XPO4: variants seen among roughly 807,000 people sequenced by gnomAD.
XPO4 encodes the protein exportin 4.
A neutral mutation model predicts 143.0 loss-of-function variants in XPO4; 39 were observed. That is an observed-to-expected ratio of 0.27 (90% confidence interval 0.21 to 0.36). XPO4 has a LOEUF of 0.36. Among genes scored for constraint, XPO4 ranks in the 10% least tolerant of loss-of-function variants. The pLI is 1.00. For missense variants in XPO4, 907 were observed against 1,348.0 expected (o/e 0.67, Z 5.12); for synonymous variants, 439 against 474.0 (o/e 0.93, Z 0.96).
intron 20 of XPO4, among the ~76,000 whole-genome samples, chr13:20,788,003 C>T (rs1433274177): frequency 6.6e-6 from 1 of 151,142 alleles, no homozygotes; most frequent in African/African-American, 2.4e-5. Flanking sequence ...GGCAAACTAA[C>T]GAAAGAAACA....
At chr13:20,788,304 G>A (rs973167845) in intron 20 of XPO4, among the ~76,000 whole-genome samples, 182 bp downstream of exon 20, 6 of 152,062 alleles carry the variant, frequency 3.9e-5, no homozygotes, top group African/African-American at 4.8e-5. Context: ...TGATCCACCC[G>A]CCTCGGCCTC....
chr13:20,790,176 T>C (rs1462636909), intron 19 of XPO4, among the ~76,000 whole-genome samples: 3 of 152,202 alleles, frequency 2.0e-5, no homozygotes, highest in African/African-American at 7.2e-5. Flanking sequence ...GCTAACAGAA[T>C]GTACTTTCTA....
intron 20 of XPO4, among the ~76,000 whole-genome samples, chr13:20,788,116 C>T (rs960183497): frequency 2.0e-5 from 3 of 148,358 alleles, no homozygotes; most frequent in Admixed American, 6.8e-5. Flanking sequence ...AGTGCAATGG[C>T]GCAATCTCGG....
chr13:20,859,226 T>C (rs1050400506), intron 3 of XPO4, among the ~76,000 whole-genome samples: 11 of 151,744 alleles, frequency 7.2e-5, no homozygotes. Context: ...CCCAGCACTT[T>C]GGGAGGCCGA....
intron 11 of XPO4, 34 bp from the exon 12 acceptor site, chr13:20,808,615 T>C (rs1021575090): frequency 2.0e-6 from 3 of 1,485,868 alleles, no homozygotes; most frequent in Non-Finnish European, 2.7e-6. Context: ...TTCATAAAGT[T>C]CAATAAGCAA....
intron 1 of XPO4, among the ~76,000 whole-genome samples, chr13:20,876,354 G>A (rs866101069): frequency 6.6e-6 from 1 of 150,810 alleles, no homozygotes; most frequent in African/African-American, 2.4e-5. Context: ...TTTGAAAAAC[G>A]GTATTAGAGC....
chr13:20,854,886 G>A (rs1262127617), intron 4 of XPO4, among the ~76,000 whole-genome samples: 1 of 152,154 alleles, frequency 6.6e-6, no homozygotes, highest in Admixed American at 6.5e-5. Context: ...AACTCCTGAA[G>A]TCCCATGGCC....
At chr13:20,850,698 G>A (rs1046881519) in intron 4 of XPO4, 5 of 688,144 alleles carry the variant, frequency 7.3e-6, no homozygotes, top group South Asian at 6.5e-5. Flanking sequence ...CCAGGTGATC[G>A]AGGCAGCAGT....
intron 2 of XPO4, 184 bp downstream of exon 2, chr13:20,868,410 CAA>C: frequency 2.0e-6 from 2 of 976,706 alleles, no homozygotes; most frequent in Non-Finnish European, 2.7e-6. Flanking sequence ...AAAGTAAAAA[CAA>C]AGTTTCCCGT....
intron 1 of XPO4, among the ~76,000 whole-genome samples, chr13:20,893,046 A>T (rs2060533518): frequency 1.3e-5 from 2 of 152,082 alleles, no homozygotes; most frequent in Admixed American, 6.6e-5. Context: ...AAGGACTAGT[A>T]TATGAGAGGC....
At chr13:20,874,127 A>T (rs116200338) in intron 1 of XPO4, among the ~76,000 whole-genome samples, 2 of 152,196 alleles carry the variant, frequency 1.3e-5, no homozygotes, top group African/African-American at 4.8e-5. Flanking sequence ...GGCGACACAC[A>T]GTTGGGTAGA....
At chr13:20,859,310 C>T (rs909461849) in intron 3 of XPO4, among the ~76,000 whole-genome samples, 1 of 151,226 alleles carries the variant, frequency 6.6e-6, no homozygotes, top group African/African-American at 2.4e-5. Flanking sequence ...ACTAAAAATA[C>T]AAAAATTAGG....
chr13:20,815,368 C>T (rs897562240), intron 9 of XPO4, among the ~76,000 whole-genome samples: 4 of 152,098 alleles, frequency 2.6e-5, no homozygotes, highest in African/African-American at 4.8e-5. Context: ...GTACCACTCT[C>T]GTGTGGGATG....
chr13:20,849,546 C>T (rs1301400427), intron 4 of XPO4: 1 of 985,276 alleles, frequency 1.0e-6, no homozygotes, highest in Non-Finnish European at 1.2e-6. Context: ...TTAGTACTGA[C>T]AGCAGGTCTG....
At chr13:20,827,261 T>A (rs7322678) in intron 6 of XPO4, 82 bp from the exon 7 acceptor site, 106,299 of 967,508 alleles carry the variant, frequency 0.11, 7,090 homozygotes, top group Non-Finnish European at 0.13. Flanking sequence ...ACAGGAGCCA[T>A]CTAGAAAGAA....
chr13:20,794,177 T>C (rs988535482), intron 18 of XPO4, among the ~76,000 whole-genome samples: 2 of 152,142 alleles, frequency 1.3e-5, no homozygotes, highest in African/African-American at 2.4e-5. Context: ...CTTAAGTAGG[T>C]AGGAAACACG....
At position 20,801,118 on chromosome 13, in the gene XPO4, T is replaced by C. The variant is rs1241845878; in HGVS notation, c.1818-128A>G. The C allele has an allele frequency of 8.9e-6, 9 of 1,012,744 alleles. No homozygotes were observed. In the East Asian group the frequency reaches 2.4e-4, roughly 26 times the overall value. 62.7% of individuals were successfully genotyped at this position (1,012,744 alleles called of 1,614,324 possible). A position where few individuals can be genotyped will look rare whatever the true frequency, so the allele number is the denominator to read the frequency against. ...ATTTAGGTCAGGCTATACTTGAACA[T>C]TTCATCTACAGAGTTTTAGACAACT... On this transcript the variant is annotated intron_variant, in intron 13 of 22. Transcript: ENST00000255305.
chr13:20,856,885 G>A (rs763391459), intron 3 of XPO4: 13 of 985,180 alleles, frequency 1.3e-5, no homozygotes, highest in Middle Eastern at 5.2e-4. Flanking sequence ...GGGCTCCCAC[G>A]GCACCCTCAC....
chr13:20,836,932 T>C (rs1419628122), intron 6 of XPO4, among the ~76,000 whole-genome samples: 1 of 152,226 alleles, frequency 6.6e-6, no homozygotes, highest in Non-Finnish European at 1.5e-5. Flanking sequence ...TTTGTGGTCT[T>C]TTGTGAATGG....
Sources: gnomAD v4.1 joint callset for allele counts (sites outside exome capture counted in the v4.1 genomes callset) on GRCh38, gnomAD v4.1.1 for gene constraint, MANE v1.5 for transcripts, NCBI Gene and HGNC (gene_info 2026-07-23, HGNC 2026-07-21) for gene names.